Variants in ETNK1 observed in about 807,000 individuals in gnomAD.
The protein encoded by ETNK1 is ethanolamine kinase 1.
Under a neutral mutation model 45.1 loss-of-function variants are expected in ETNK1, and 8 were observed. The ratio of observed to expected loss-of-function variants is 0.18; its 90% CI spans 0.10 to 0.32. ETNK1 has a LOEUF of 0.32. Ranked by LOEUF, ETNK1 falls within the 10% of genes least tolerant of loss-of-function variation. ETNK1 has a pLI of 1.00. For missense variants in ETNK1, 302 were observed against 430.6 expected, an observed-to-expected ratio of 0.70 and a Z score of 2.64; for synonymous variants, 152 against 151.9, an observed-to-expected ratio of 1.00 and a Z score of -0.01.
Position 22,625,434 on chromosome 12 carries a change from G to C in ETNK1, c.4G>C (p.Ala2Pro), listed in dbSNP as rs1164578860. The C allele has an allele frequency of 1.3e-6, 2 of 1,585,440 alleles. No homozygotes were observed. The highest frequency in any genetic ancestry group is 1.7e-6 in the Non-Finnish European group (2 of 1,167,232). The change falls in exon 1 of 8, where the codon GCC becomes CCC. Residue 2 changes from alanine to proline, a missense_variant. This residue lies in a region of ETNK1 where 205 missense variants were observed against 259.9 expected (regional missense o/e 0.79). Transcript: ENST00000266517. The part of the protein sequence containing the change: M[A>P]NYIHVPPGSP... ...AGTCTCCGCCGTCGCCTGGGCCATG[G>C]CCAATTACATCCACGTCCCTCCCGG...
rs142383515 is a variant in ETNK1, at chr12:22,678,230, C to A, written c.945+4570C>A. On this transcript the variant is annotated intron_variant, in intron 6 of 7. Transcript: ENST00000266517. ...GATTGCAATGTGAAATAAAAGGAAA[C>A]CCTGAATCTTACTCCTTTATCCTTC... Among the ~76,000 whole-genome samples the A allele has an allele frequency of 2.6e-5, 4 of 152,284 alleles. No individual in the cohort carries two copies. The East Asian group carries it at 7.7e-4, about 29-fold the overall frequency.
intron 4 of ETNK1, among the ~76,000 whole-genome samples, chr12:22,662,403 T>TG (rs1954013422): frequency 1.4e-5 from 2 of 148,106 alleles, no homozygotes; most frequent in Admixed American, 1.3e-4. Context: ...TTTTTTTTTT[T>TG]TTTTTTAAGT....
chr12:22,642,256 AGTTAC>A (rs1246878528), intron 1 of ETNK1, among the ~76,000 whole-genome samples: 1 of 152,106 alleles, frequency 6.6e-6, no homozygotes, highest in Non-Finnish European at 1.5e-5. Context: ...CATATGAAGA[AGTTAC>A]AGAACAGCAT....
intron 4 of ETNK1, among the ~76,000 whole-genome samples, chr12:22,666,998 TA>T (rs1954059296): frequency 6.6e-6 from 1 of 152,222 alleles, no homozygotes; most frequent in African/African-American, 2.4e-5. Flanking sequence ...TTGTGTTTGG[TA>T]AACTATGTTT....
At chr12:22,670,431 A>G (rs930881976) in intron 4 of ETNK1, among the ~76,000 whole-genome samples, 1 of 151,146 alleles carries the variant, frequency 6.6e-6, no homozygotes, top group Non-Finnish European at 1.5e-5. Flanking sequence ...TATAGGACCT[A>G]TATCTTTGTT....
chr12:22,680,749 C>T (rs909359522), intron 6 of ETNK1, among the ~76,000 whole-genome samples: 5 of 152,112 alleles, frequency 3.3e-5, no homozygotes, highest in African/African-American at 1.2e-4. Flanking sequence ...GTTGATTGCT[C>T]AGGCCATGAT....
At chr12:22,668,245 AGAT>A (rs1440546931) in intron 4 of ETNK1, among the ~76,000 whole-genome samples, 2 of 152,232 alleles carry the variant, frequency 1.3e-5, no homozygotes, top group African/African-American at 4.8e-5. Flanking sequence ...TAAAGAACTG[AGAT>A]GATGATCATG....
chr12:22,655,324 GTTTGTTT>G (rs1565442896), intron 2 of ETNK1, among the ~76,000 whole-genome samples: 2 of 57,696 alleles, frequency 3.5e-5, no homozygotes, highest in African/African-American at 6.6e-5. Context: ...TTTGGGGTTT[GTTTGTTT>G]TTTTTTTTTT....
chr12:22,630,315 A>G (rs1953558885), intron 1 of ETNK1, among the ~76,000 whole-genome samples: 1 of 152,180 alleles, frequency 6.6e-6, no homozygotes, highest in East Asian at 1.9e-4. Context: ...CCTAAAATTC[A>G]GTAATTCTGA....
chr12:22,668,603 G>A (rs935640521), intron 4 of ETNK1, among the ~76,000 whole-genome samples: 1 of 152,084 alleles, frequency 6.6e-6, no homozygotes, highest in East Asian at 1.9e-4. Context: ...TACAGATTAG[G>A]TATGCCATTG....
intron 4 of ETNK1, chr12:22,670,970 TG>T (rs1454444361): frequency 3.7e-6 from 1 of 266,752 alleles, no homozygotes; most frequent in Non-Finnish European, 7.0e-6. Context: ...GATGCCCCCA[TG>T]TGGCAAAGGA....
rs753477128 is a variant in ETNK1 at position 22,673,680 on chromosome 12, AT to A, written c.945+22del. 1 of 1,586,630 alleles carries A rather than the reference AT, an allele frequency of 6.3e-7. No individual in the cohort carries two copies. The highest frequency in any genetic ancestry group is 1.1e-5 in the South Asian group (1 of 88,136). Reference sequence around the variant, plus strand: ...GCATTGGTAAGTTTAAATGTACACAATTAATGAAAGGTTCTTACTGTAATTG... The same window carrying A: ...GCATTGGTAAGTTTAAATGTACACAATAATGAAAGGTTCTTACTGTAATTG... On this transcript the variant is annotated intron_variant, in intron 6 of 7. Coordinates refer to ENST00000266517, the MANE Select transcript of ETNK1 (RefSeq NM_018638.5).
chr12:22,649,035 G>A (rs981950892), intron 2 of ETNK1, among the ~76,000 whole-genome samples: 7 of 151,966 alleles, frequency 4.6e-5, no homozygotes, highest in Admixed American at 6.6e-5. Flanking sequence ...GTCTGATAAG[G>A]TATTTGGTCC....
chr12:22,628,367 T>G (rs535354385), intron 1 of ETNK1, among the ~76,000 whole-genome samples: 6 of 152,070 alleles, frequency 3.9e-5, no homozygotes, highest in Non-Finnish European at 7.4e-5. Context: ...CTTAAAAGCT[T>G]TGGCTCATAA....
intron 5 of ETNK1, among the ~76,000 whole-genome samples, chr12:22,672,936 C>G (rs1245648770): frequency 6.6e-6 from 1 of 152,062 alleles, no homozygotes; most frequent in Non-Finnish European, 1.5e-5. Context: ...GAAACAAAAT[C>G]TCAGAGTTGG....
At chr12:22,655,503 C>T (rs983147934) in intron 2 of ETNK1, among the ~76,000 whole-genome samples, 21 of 150,058 alleles carry the variant, frequency 1.4e-4, no homozygotes, top group African/African-American at 5.2e-4. Context: ...CACCAGGCTA[C>T]TTTTTGTACT....
intron 2 of ETNK1, among the ~76,000 whole-genome samples, chr12:22,656,242 T>C (rs528549462): frequency 8.7e-4 from 133 of 152,362 alleles, no homozygotes; most frequent in African/African-American, 3.1e-3. Flanking sequence ...AAAACTGCTT[T>C]AGATTCATCT....
chr12:22,643,678 T>G, intron 1 of ETNK1, 85 bp from the exon 2 acceptor site: 1 of 1,153,296 alleles, frequency 8.7e-7, no homozygotes, highest in Non-Finnish European at 1.2e-6. Flanking sequence ...TAATTAGTAT[T>G]TAACTCATGA....
chr12:22,641,885 C>T (rs1953743302), intron 1 of ETNK1, among the ~76,000 whole-genome samples: 1 of 152,102 alleles, frequency 6.6e-6, no homozygotes, highest in South Asian at 2.1e-4. Context: ...GACACTGTGT[C>T]TTCTTCATAA....
Sources: gnomAD v4.1 joint callset for allele counts (sites outside exome capture counted in the v4.1 genomes callset) on GRCh38, gnomAD v4.1.1 for gene constraint, gnomAD v4.1.1 regional missense constraint, MANE v1.5 for transcripts, NCBI Gene and HGNC (gene_info 2026-07-23, HGNC 2026-07-21) for gene names.